WWTR1: variants seen among roughly 807,000 people sequenced by gnomAD.
The protein encoded by WWTR1 is WW domain containing transcription regulator 1.
In WWTR1, 13 loss-of-function variants were observed where a neutral mutation model predicts 40.1. The ratio of observed to expected loss-of-function variants is 0.32; its 90% CI spans 0.21 to 0.52. The LOEUF (loss-of-function observed/expected upper bound fraction) is 0.52, where lower values mean the gene tolerates loss of function less well. Ranked by LOEUF, WWTR1 falls within the 20% of genes least tolerant of loss-of-function variation. The pLI is 0.97. For synonymous variants in WWTR1, 230 were observed against 210.1 expected (o/e 1.09, Z -0.82); for missense variants, 436 against 523.1 (o/e 0.83, Z 1.63).
At chr3:149,532,770 C>G (rs1317548293) in intron 4 of WWTR1, among the ~76,000 whole-genome samples, 3 of 152,234 alleles carry the variant, frequency 2.0e-5, no homozygotes, top group African/African-American at 7.2e-5. Context: ...TGGACTGCCA[C>G]ATGACATCCA....
intron 3 of WWTR1, among the ~76,000 whole-genome samples, chr3:149,551,336 G>A (rs1327783872): frequency 2.1e-5 from 3 of 144,418 alleles, no homozygotes; most frequent in Admixed American, 6.9e-5. Flanking sequence ...GGCTGACATT[G>A]TTTTTAAAAC....
chr3:149,577,361 A>T (rs1002038865), intron 2 of WWTR1, among the ~76,000 whole-genome samples: 3 of 152,178 alleles, frequency 2.0e-5, no homozygotes, highest in South Asian at 2.1e-4. Context: ...CTTAAAAAAA[A>T]GAAAAATCCT....
intron 2 of WWTR1, among the ~76,000 whole-genome samples, chr3:149,574,762 T>C (rs1201525960): frequency 6.7e-6 from 1 of 149,048 alleles, no homozygotes; most frequent in East Asian, 2.0e-4. Context: ...AAAACTTGGG[T>C]CTAAAGGTCT....
At chr3:149,549,674 C>CA (rs1201055426) in intron 3 of WWTR1, among the ~76,000 whole-genome samples, 2 of 151,802 alleles carry the variant, frequency 1.3e-5, no homozygotes, top group African/African-American at 2.4e-5. Flanking sequence ...CCTGTCTCTA[C>CA]AAAAAATTTT....
chr3:149,689,393 A>T (rs1714748626), intron 1 of WWTR1, among the ~76,000 whole-genome samples: 1 of 144,466 alleles, frequency 6.9e-6, no homozygotes, highest in South Asian at 2.2e-4. Context: ...AAAAAAAAAA[A>T]AAAAAAAAGC....
At chr3:149,691,342 A>T (rs1269071063) in intron 1 of WWTR1, among the ~76,000 whole-genome samples, 1 of 151,968 alleles carries the variant, frequency 6.6e-6, no homozygotes, top group Non-Finnish European at 1.5e-5. Flanking sequence ...AATGAAATTT[A>T]AAAAACAATA....
At chr3:149,709,168 C>T (rs1311887643) in intron 5 of WWTR1, among the ~76,000 whole-genome samples, 1 of 151,832 alleles carries the variant, frequency 6.6e-6, no homozygotes, top group Non-Finnish European at 1.5e-5. Context: ...AGAGAGGGGG[C>T]TTTGCCATGT....
intron 3 of WWTR1, among the ~76,000 whole-genome samples, chr3:149,544,850 G>A (rs531084077): frequency 1.3e-5 from 2 of 152,310 alleles, no homozygotes; most frequent in East Asian, 1.9e-4. Context: ...GGAAGGGCTC[G>A]AGGAAAGCCT....
At chr3:149,525,796 T>C (rs1166314322) in intron 6 of WWTR1, 1 of 324,084 alleles carries the variant, frequency 3.1e-6, no homozygotes, top group Non-Finnish European at 5.5e-6. Context: ...AAAAACAAAC[T>C]ATTGGGTACT....
intron 3 of WWTR1, among the ~76,000 whole-genome samples, chr3:149,543,580 C>CAAAAAAAAAAAAAAAAAAAAAAAAAA (rs755442408): frequency 1.6e-4 from 5 of 31,226 alleles, no homozygotes; most frequent in Non-Finnish European, 2.3e-4. Context: ...GACTCTGTCT[C>CAAAAAAAAAAAAAAAAAAAAAAAAAA]AAAAAAAAAA....
chr3:149,548,542 C>G (rs962797304), intron 3 of WWTR1, among the ~76,000 whole-genome samples: 1 of 152,184 alleles, frequency 6.6e-6, no homozygotes, highest in Non-Finnish European at 1.5e-5. Flanking sequence ...AGGGTAGGCT[C>G]AACTACGAAA....
chr3:149,718,992 A>C (rs1436390264), intron 4 of WWTR1, among the ~76,000 whole-genome samples: 1 of 150,782 alleles, frequency 6.6e-6, no homozygotes, highest in African/African-American at 2.4e-5. Flanking sequence ...CGCCTGGCTA[A>C]TTTTTGTATT....
At chr3:149,651,661 A>G (rs1712871683) in intron 2 of WWTR1, among the ~76,000 whole-genome samples, 1 of 152,188 alleles carries the variant, frequency 6.6e-6, no homozygotes, top group South Asian at 2.1e-4. Flanking sequence ...ATGAAGAGTG[A>G]GAAAACAAAA....
chr3:149,580,891 C>T (rs936970072), intron 2 of WWTR1, among the ~76,000 whole-genome samples: 6 of 152,196 alleles, frequency 3.9e-5, no homozygotes, highest in South Asian at 2.1e-4. Context: ...GGATTATAGG[C>T]GTGAGCCACC....
At chr3:149,684,286 G>T (rs571658442) in intron 1 of WWTR1, among the ~76,000 whole-genome samples, 1 of 152,050 alleles carries the variant, frequency 6.6e-6, no homozygotes, top group Non-Finnish European at 1.5e-5. Context: ...CTCCCAAAGT[G>T]TTAGGATTAC....
At chr3:149,593,524 T>C (rs1236343993) in intron 2 of WWTR1, among the ~76,000 whole-genome samples, 1 of 152,238 alleles carries the variant, frequency 6.6e-6, no homozygotes, top group Non-Finnish European at 1.5e-5. Flanking sequence ...GGTTGCTCTT[T>C]TCCTGATTCC....
chr3:149,669,226 C>A (rs1253700304), intron 2 of WWTR1, among the ~76,000 whole-genome samples: 1 of 152,132 alleles, frequency 6.6e-6, no homozygotes, highest in Non-Finnish European at 1.5e-5. Context: ...CAATATACCC[C>A]CACATATACA....
intron 4 of WWTR1, among the ~76,000 whole-genome samples, chr3:149,539,794 A>AGTTCAGAAAATCACCAAAAGG (rs1736002896): frequency 6.6e-6 from 1 of 152,120 alleles, no homozygotes. Flanking sequence ...TCACCAAAAG[A>AGTTCAGAAAATCACCAAAAGG]GTTCAAAAAA....
At chr3:149,560,656 C>T (rs1737043371) in intron 3 of WWTR1, among the ~76,000 whole-genome samples, 1 of 152,056 alleles carries the variant, frequency 6.6e-6, no homozygotes, top group African/African-American at 2.4e-5. Flanking sequence ...TTTTTTTTAA[C>T]TTTCTTTCTT....
Sources: allele counts gnomAD v4.1 joint callset (sites outside exome capture counted in the v4.1 genomes callset), GRCh38; gene constraint gnomAD v4.1.1; transcripts MANE v1.5; gene names NCBI Gene and HGNC (gene_info 2026-07-23, HGNC 2026-07-21).